OSBP2: variants seen among roughly 807,000 people sequenced by gnomAD.
OSBP2 encodes oxysterol-binding protein 2.
Under a neutral mutation model 96.0 loss-of-function variants are expected in OSBP2, and 66 were observed. The observed-to-expected ratio is 0.69, with a 90% CI of 0.56 to 0.84. The LOEUF (loss-of-function observed/expected upper bound fraction) is 0.84. Ranked by LOEUF, OSBP2 falls within the 40% of genes least tolerant of loss-of-function variation. OSBP2 has a pLI of 0.00. For synonymous variants in OSBP2, 525 were observed against 520.9 expected (o/e 1.01, Z -0.11); for missense variants, 1,038 against 1,222.7 (o/e 0.85, Z 2.25).
chr22:30,720,916 C>T (rs1347454420), intron 1 of OSBP2, among the ~76,000 whole-genome samples: 9 of 152,086 alleles, frequency 5.9e-5, no homozygotes, highest in Non-Finnish European at 1.5e-5. Context: ...GAGTCCTTCC[C>T]TTGCTCAGTC....
chr22:30,876,651 A>G (rs1008014423), intron 3 of OSBP2, among the ~76,000 whole-genome samples: 1 of 152,090 alleles, frequency 6.6e-6, no homozygotes. Flanking sequence ...CCAGCTCCTA[A>G]GGACTGGGCT....
intron 1 of OSBP2, among the ~76,000 whole-genome samples, chr22:30,715,870 T>C (rs977105160): frequency 6.7e-6 from 1 of 150,140 alleles, no homozygotes; most frequent in African/African-American, 2.5e-5. Flanking sequence ...TTTTTTTTTT[T>C]TTTTTAACAC....
At chr22:30,723,602 C>T (rs534210334) in intron 1 of OSBP2, among the ~76,000 whole-genome samples, 5 of 151,850 alleles carry the variant, frequency 3.3e-5, no homozygotes, top group East Asian at 3.9e-4. Context: ...TTAGTAGAGA[C>T]GGGGTTTCAC....
chr22:30,699,563 A>T (rs1602138762), intron 1 of OSBP2, among the ~76,000 whole-genome samples: 1 of 152,166 alleles, frequency 6.6e-6, no homozygotes, highest in Admixed American at 6.5e-5. Flanking sequence ...CCTTTGCAAG[A>T]CTTGGTATTG....
chr22:30,893,084 G>C, intron 8 of OSBP2, 38 bp from the exon 9 acceptor site: 1 of 1,608,982 alleles, frequency 6.2e-7, no homozygotes, highest in Non-Finnish European at 8.5e-7. Context: ...CTGGGCTCAT[G>C]TCTGGCAGAT....
At chr22:30,875,623 C>T (rs533260042) in intron 3 of OSBP2, among the ~76,000 whole-genome samples, 36 of 152,296 alleles carry the variant, frequency 2.4e-4, no homozygotes, top group Admixed American at 2.0e-3. Flanking sequence ...CCGCCTGCCT[C>T]GGCCTCCCAA....
At chr22:30,744,544 G>GT (rs2089975880) in intron 2 of OSBP2, among the ~76,000 whole-genome samples, 1 of 152,078 alleles carries the variant, frequency 6.6e-6, no homozygotes, top group South Asian at 2.1e-4. Flanking sequence ...CTATCTGGAT[G>GT]TCTATCAGGA....
chr22:30,770,291 G>C (rs768047107), intron 2 of OSBP2, among the ~76,000 whole-genome samples: 6 of 151,794 alleles, frequency 4.0e-5, no homozygotes, highest in African/African-American at 9.7e-5. Context: ...GTAGAGACAG[G>C]GTTCACCATG....
chr22:30,870,368 GC>G lies in OSBP2; in HGVS notation c.854-60del. 6.4e-7 allele frequency: 1 copy of G among 1,567,858 alleles called. No homozygotes were observed. Among genetic ancestry groups the G allele is most frequent in the Non-Finnish European group, 8.7e-7 (1 of 1,148,064 alleles). On this transcript the variant is annotated intron_variant, in intron 2 of 13. Coordinates refer to ENST00000332585, the MANE Select transcript of OSBP2 (RefSeq NM_030758.4). The surrounding 1 kb of genome is among the most constrained non-coding windows in gnomAD (Gnocchi z 4.1). ...ACCCTGCCCTGCTCGGCCTGGCTGT[GC>G]AGGCCTCTTGGTACCACGTCTGTTC...
Position 30,814,434 on chromosome 22 carries a change from GTTT to G in OSBP2, c.854-55981_854-55979del, listed in dbSNP as rs11453458. Reference sequence around the variant, plus strand: ...GGGTCCACTCATATTATCTCGTTGGGTTTTTTTTTTTTTTTTAAGATGGAGTCT... The same window carrying G: ...GGGTCCACTCATATTATCTCGTTGGGTTTTTTTTTTTTTAAGATGGAGTCT... On this transcript the variant is annotated intron_variant, in intron 2 of 13. Transcript: ENST00000332585. Among the ~76,000 whole-genome samples, 10 of 140,548 alleles carry G rather than the reference GTTT, an allele frequency of 7.1e-5. No individual in the cohort carries two copies. The Admixed American group carries it at 7.3e-4, about 10-fold the overall frequency. 92.2% of individuals were successfully genotyped at this position (140,548 alleles called of 152,430 possible).
At chr22:30,860,686 C>T (rs866489913) in intron 2 of OSBP2, among the ~76,000 whole-genome samples, 36 of 152,178 alleles carry the variant, frequency 2.4e-4, no homozygotes, top group African/African-American at 5.8e-4. Flanking sequence ...TGAGTGAGCC[C>T]ACCACAGAGC....
At chr22:30,902,153 CAG>C (rs2040226310) in intron 12 of OSBP2, 7 of 226,372 alleles carry the variant, frequency 3.1e-5, no homozygotes, top group Non-Finnish European at 5.7e-5. Context: ...AAAAAAAAAA[CAG>C]AGGGTCCCAC....
rs2147207319 is a variant in OSBP2 at position 30,907,434 on chromosome 22, C to G, written c.*1095C>G. On this transcript the variant is annotated 3_prime_UTR_variant, in exon 14 of 14. Coordinates refer to ENST00000332585, the MANE Select transcript of OSBP2 (RefSeq NM_030758.4). ...CGGGTGCACCTGTCTGAGTTTGGCC[C>G]TCATGTGAGCTGTGCCCTTCCCTCT... The G allele has an allele frequency of 6.6e-6, 1 of 152,254 alleles. No homozygotes were observed. Among genetic ancestry groups the G allele is most frequent in the East Asian group, 1.9e-4 (1 of 5,166 alleles). 9.4% of individuals were successfully genotyped at this position (152,254 alleles called of 1,614,324 possible). A position where few individuals can be genotyped will look rare whatever the true frequency, so the allele number is the denominator to read the frequency against.
intron 12 of OSBP2, among the ~76,000 whole-genome samples, chr22:30,904,245 G>C (rs975898620): frequency 2.6e-5 from 4 of 152,182 alleles, no homozygotes; most frequent in African/African-American, 9.7e-5. Context: ...TTCTCCTACT[G>C]TATCTTTGTT....
At chr22:30,799,004 ACT>A (rs1338194596) in intron 2 of OSBP2, among the ~76,000 whole-genome samples, 1 of 141,262 alleles carries the variant, frequency 7.1e-6, no homozygotes, top group Non-Finnish European at 1.5e-5. Flanking sequence ...ACAGAGTGAG[ACT>A]CTGTCTCAAA....
chr22:30,797,325 C>T (rs1275185308), intron 2 of OSBP2, among the ~76,000 whole-genome samples: 4 of 152,208 alleles, frequency 2.6e-5, no homozygotes, highest in African/African-American at 9.6e-5. Flanking sequence ...CCCTGTCACC[C>T]AGGCTGGAGT....
intron 2 of OSBP2, among the ~76,000 whole-genome samples, chr22:30,843,398 C>T (rs1431867332): frequency 6.6e-6 from 1 of 151,990 alleles, no homozygotes; most frequent in African/African-American, 2.4e-5. Flanking sequence ...ACTGGCAGTG[C>T]TCCCAGGGAC....
chr22:30,864,831 C>T (rs557992783), intron 2 of OSBP2, among the ~76,000 whole-genome samples: 35 of 152,276 alleles, frequency 2.3e-4, no homozygotes, highest in African/African-American at 7.7e-4. Flanking sequence ...CATGAGGGGA[C>T]GGGTCCCTGC....
chr22:30,761,586 T>C (rs2090205229), intron 2 of OSBP2, among the ~76,000 whole-genome samples: 1 of 152,202 alleles, frequency 6.6e-6, no homozygotes, highest in Non-Finnish European at 1.5e-5. Context: ...GACAAACTTA[T>C]TATACATTTA....
Sources: gnomAD v4.1 joint callset for allele counts (sites outside exome capture counted in the v4.1 genomes callset) on GRCh38, gnomAD v4.1.1 for gene constraint, Gnocchi (gnomAD v3.1) non-coding constraint, MANE v1.5 for transcripts, NCBI Gene and HGNC (gene_info 2026-07-23, HGNC 2026-07-21) for gene names.